Variants in KIF6 observed in about 807,000 individuals in gnomAD.
KIF6 encodes kinesin family member 6.
A neutral mutation model predicts 112.7 loss-of-function variants in KIF6; 106 were observed. The ratio of observed to expected loss-of-function variants is 0.94; its 90% CI spans 0.80 to 1.11. The LOEUF (loss-of-function observed/expected upper bound fraction) is 1.11. KIF6 is among the 50% of genes least tolerant of loss of function. The pLI is 0.00. For synonymous variants in KIF6, 339 were observed against 339.9 expected (o/e 1.00, Z 0.03); for missense variants, 929 against 964.0 (o/e 0.96, Z 0.48).
At chr6:39,588,337 C>T (rs532613488) in intron 7 of KIF6, among the ~76,000 whole-genome samples, 27 of 152,218 alleles carry the variant, frequency 1.8e-4, no homozygotes, top group African/African-American at 6.5e-4. Context: ...TCTCAGCCTC[C>T]GGAGTAGCTG....
intron 22 of KIF6, among the ~76,000 whole-genome samples, chr6:39,341,436 C>G (rs1023419209): frequency 6.6e-6 from 1 of 152,186 alleles, no homozygotes. Flanking sequence ...CTTCCTCTCT[C>G]TCCGCAACTG....
rs1766713458 is a variant in KIF6 at position 39,379,216 on chromosome 6, A to G, written c.1861+6406T>C. Reference sequence around the variant, plus strand: ...CCTCTTTTTTGCTTAGCAGCTAGACAAGAGAGAGCCAAATTTATTGCCTGT... The same window carrying G: ...CCTCTTTTTTGCTTAGCAGCTAGACGAGAGAGAGCCAAATTTATTGCCTGT... On this transcript the variant is annotated intron_variant, in intron 16 of 22. Transcript: ENST00000287152. Among the ~76,000 whole-genome samples, 3 of 152,230 alleles carry G rather than the reference A, an allele frequency of 2.0e-5. No homozygotes were observed. In the South Asian group the frequency reaches 6.2e-4, roughly 32 times the overall value.
intron 16 of KIF6, among the ~76,000 whole-genome samples, chr6:39,369,380 G>A (rs1247588069): frequency 2.0e-5 from 3 of 152,156 alleles, no homozygotes; most frequent in African/African-American, 4.8e-5. Flanking sequence ...CACCCCCACT[G>A]CCACAGACCC....
intron 3 of KIF6, among the ~76,000 whole-genome samples, chr6:39,687,690 T>TA (rs1787953741): frequency 6.6e-6 from 1 of 152,184 alleles, no homozygotes. Flanking sequence ...ATAACTGTGT[T>TA]ATACATATTA....
At chr6:39,711,084 TA>T (rs1023833547) in intron 3 of KIF6, among the ~76,000 whole-genome samples, 30 of 143,906 alleles carry the variant, frequency 2.1e-4, no homozygotes, top group South Asian at 1.3e-3. Flanking sequence ...GAGATCACTT[TA>T]AAAAAAAAAG....
chr6:39,488,401 T>C (rs1398181267), intron 13 of KIF6, among the ~76,000 whole-genome samples: 1 of 152,244 alleles, frequency 6.6e-6, no homozygotes, highest in Non-Finnish European at 1.5e-5. Context: ...TCCCCTGTCT[T>C]GGACTTGCTG....
chr6:39,633,938 T>C (rs1333791193), intron 5 of KIF6, among the ~76,000 whole-genome samples: 1 of 152,160 alleles, frequency 6.6e-6, no homozygotes, highest in Non-Finnish European at 1.5e-5. Flanking sequence ...CCCATTAAAA[T>C]AAAAATGTCA....
chr6:39,590,427 GTGTATATATA>G (rs1378078071), intron 7 of KIF6, among the ~76,000 whole-genome samples: 5 of 112,670 alleles, frequency 4.4e-5, no homozygotes, highest in African/African-American at 1.9e-4. Flanking sequence ...GTATGTGTGT[GTGTATATATA>G]TATATATATA....
chr6:39,626,168 G>A (rs1021513447), intron 5 of KIF6, among the ~76,000 whole-genome samples: 1 of 152,134 alleles, frequency 6.6e-6, no homozygotes, highest in African/African-American at 2.4e-5. Context: ...TGCCCCCACA[G>A]AATCCAGGGC....
intron 1 of KIF6, among the ~76,000 whole-genome samples, chr6:39,723,394 A>G (rs551364936): frequency 4.6e-5 from 7 of 152,332 alleles, no homozygotes; most frequent in African/African-American, 1.7e-4. Context: ...TTGAGAGGCA[A>G]AAAAGGTTTC....
chr6:39,407,141 T>G (rs1769150398), intron 15 of KIF6, among the ~76,000 whole-genome samples: 1 of 152,204 alleles, frequency 6.6e-6, no homozygotes, highest in South Asian at 2.1e-4. Flanking sequence ...TTGTTGCCGT[T>G]TAAGCAGACA....
At position 39,563,395 on chromosome 6, in the gene KIF6, G is replaced by A. The variant is rs547107740; in HGVS notation, c.1181+14661C>T. Among the ~76,000 whole-genome samples, 117 of 152,150 alleles carry A rather than the reference G, an allele frequency of 7.7e-4. No homozygotes were observed. In the Middle Eastern group the frequency reaches 0.01, roughly 13 times the overall value. ...ATGTACATAGCATATACATACATGT[G>A]TATTTTTCATCACAAAAGTGAGATC... On this transcript the variant is annotated intron_variant, in intron 10 of 22. Coordinates refer to ENST00000287152, the MANE Select transcript of KIF6 (RefSeq NM_145027.6).
chr6:39,569,155 C>T (rs1780507257), intron 10 of KIF6, among the ~76,000 whole-genome samples: 1 of 152,084 alleles, frequency 6.6e-6, no homozygotes, highest in Non-Finnish European at 1.5e-5. Flanking sequence ...GGTTTTATAA[C>T]TAAAACCACT....
intron 15 of KIF6, among the ~76,000 whole-genome samples, chr6:39,406,997 C>T (rs7454563): frequency 0.041 from 6,307 of 152,162 alleles, 200 homozygotes; most frequent in Non-Finnish European, 0.051. Flanking sequence ...CCTCAAGTGA[C>T]CCTCCCACCT....
At position 39,582,150 on chromosome 6, in the gene KIF6, A is replaced by G. The variant is rs145661848; in HGVS notation, c.1077+2748T>C. Reference sequence around the variant, plus strand: ...TGATGCCATATTTTCTATTTTTACTAAGGCTTTTAAGTCAAATCTAATACC... The same window carrying G: ...TGATGCCATATTTTCTATTTTTACTGAGGCTTTTAAGTCAAATCTAATACC... On this transcript the variant is annotated intron_variant, in intron 9 of 22. Coordinates refer to ENST00000287152, the MANE Select transcript of KIF6 (RefSeq NM_145027.6). Among the ~76,000 whole-genome samples, 608 of 152,282 alleles carry G rather than the reference A, an allele frequency of 4.0e-3. 5 individuals are homozygous for G. Among genetic ancestry groups the G allele is most frequent in the African/African-American group, 0.014 (585 of 41,546 alleles).
intron 19 of KIF6, among the ~76,000 whole-genome samples, chr6:39,347,113 G>A (rs568451225): frequency 4.0e-4 from 61 of 152,298 alleles, no homozygotes; most frequent in African/African-American, 9.9e-4. Context: ...AGATGTCATC[G>A]TCTCCATTTT....
intron 3 of KIF6, among the ~76,000 whole-genome samples, chr6:39,708,274 G>A (rs1436882885): frequency 6.6e-6 from 1 of 152,196 alleles, no homozygotes; most frequent in African/African-American, 2.4e-5. Context: ...ATGTGCAAAA[G>A]TTGTCAAGCA....
At chr6:39,357,448 CTTTT>C (rs552350303) in intron 18 of KIF6, 74 bp from the exon 19 acceptor site, 2,483 of 540,154 alleles carry the variant, frequency 4.6e-3, no homozygotes, top group East Asian at 6.8e-3. Flanking sequence ...TGATGTAATT[CTTTT>C]TTTTTTTTTT....
chr6:39,343,492 C>T lies in KIF6; in HGVS notation c.2428+217G>A. 2 of 1,495,074 alleles carry T rather than the reference C, an allele frequency of 1.3e-6. No individual in the cohort carries two copies. Among genetic ancestry groups the T allele is most frequent in the East Asian group, 2.7e-5 (1 of 37,566 alleles). The allele number at this position is 1,495,074 out of a possible 1,614,324, so 92.6% of individuals were successfully genotyped here. A position where few individuals can be genotyped will look rare whatever the true frequency, so the allele number is the denominator to read the frequency against. On this transcript the variant is annotated intron_variant, in intron 22 of 22. Transcript: ENST00000287152. The surrounding 1 kb of genome is among the most constrained non-coding windows in gnomAD (Gnocchi z 4.1). ...GAGGGACAGGAGCACCTGGGCCGCC[C>T]ACCCACTTGGGCCTGTCTTGGTGTT... is the stretch of plus-strand genomic sequence containing the variant.
Sources: allele counts gnomAD v4.1 joint callset (sites outside exome capture counted in the v4.1 genomes callset), GRCh38; gene constraint gnomAD v4.1.1; non-coding constraint Gnocchi (gnomAD v3.1); transcripts MANE v1.5; gene names NCBI Gene and HGNC (gene_info 2026-07-23, HGNC 2026-07-21).